The following SLC9C2 variants were observed in gnomAD, a reference collection of about 807,000 sequenced individuals.
SLC9C2 encodes the protein sodium/hydrogen exchanger 11.
A neutral mutation model predicts 140.2 loss-of-function variants in SLC9C2; 75 were observed. The ratio of observed to expected loss-of-function variants is 0.53; its 90% CI spans 0.44 to 0.65. SLC9C2 has a LOEUF of 0.65. SLC9C2 is among the 30% of genes least tolerant of loss of function. SLC9C2 has a pLI of 0.00. For synonymous variants in SLC9C2, 375 were observed against 420.9 expected, an observed-to-expected ratio of 0.89 and a Z score of 1.34; for missense variants, 1,074 against 1,331.8, an observed-to-expected ratio of 0.81 and a Z score of 3.01.
chr1:173,548,348 G>A (rs766391043), intron 12 of SLC9C2, 41 bp downstream of exon 12: 14 of 1,577,516 alleles, frequency 8.9e-6, no homozygotes, highest in Non-Finnish European at 1.1e-5. Context: ...GCAGACCAAG[G>A]GAAGGAAAGG....
Position 173,517,632 on chromosome 1 carries a change from T to C in SLC9C2, c.2812A>G (p.Thr938Ala). 1 of 1,614,028 alleles carries C rather than the reference T, an allele frequency of 6.2e-7. No homozygotes were observed. The highest frequency in any genetic ancestry group is 8.5e-7 in the Non-Finnish European group (1 of 1,179,978). ...RCDRGSRDMF[T>A]EFCTTGDIIG... The stretch of plus-strand genomic sequence containing the variant: ...ATGTCCCCAGTAGTACAGAACTCTG[T>C]AAACATGTCTCTGGACCCTCTATCA... The change falls in exon 23 of 28, where the codon ACA becomes GCA. Residue 938 changes from threonine to alanine, a missense_variant. By Grantham distance (58) the Thr-to-Ala change is moderately conservative. Coordinates refer to ENST00000367714, the MANE Select transcript of SLC9C2 (RefSeq NM_178527.4).
At chr1:173,566,020 A>T (rs1262459119) in intron 9 of SLC9C2, among the ~76,000 whole-genome samples, 3 of 152,186 alleles carry the variant, frequency 2.0e-5, no homozygotes, top group Non-Finnish European at 4.4e-5. Context: ...CATCCCTGGG[A>T]TAAGTCCCAG....
intron 13 of SLC9C2, among the ~76,000 whole-genome samples, chr1:173,543,668 T>C (rs1164602383): frequency 6.6e-6 from 1 of 152,080 alleles, no homozygotes; most frequent in African/African-American, 2.4e-5. Context: ...TATAGACCAA[T>C]GGAACAGAAC....
At chr1:173,507,259 C>T (rs539927379) in intron 24 of SLC9C2, among the ~76,000 whole-genome samples, 30 of 152,260 alleles carry the variant, frequency 2.0e-4, no homozygotes, top group Admixed American at 9.8e-4. Flanking sequence ...GATACTGTTG[C>T]CCAGCCCTAA....
chr1:173,526,610 A>G, intron 19 of SLC9C2, 53 bp downstream of exon 19: 2 of 1,390,780 alleles, frequency 1.4e-6, no homozygotes, highest in Non-Finnish European at 2.0e-6. Flanking sequence ...CTTTTATTAA[A>G]TTATAGGACA....
At chr1:173,543,293 AC>A (rs1324806820) in intron 13 of SLC9C2, among the ~76,000 whole-genome samples, 1 of 152,224 alleles carries the variant, frequency 6.6e-6, no homozygotes, top group African/African-American at 2.4e-5. Context: ...AATCCAACTT[AC>A]AAGGGATGTG....
At chr1:173,521,151 A>G in intron 22 of SLC9C2, 150 bp downstream of exon 22, 1 of 410,226 alleles carries the variant, frequency 2.4e-6, no homozygotes, top group Non-Finnish European at 4.3e-6. Context: ...TTGAATATTC[A>G]CCTCTCAGCT....
At chr1:173,528,328 G>A (rs1429698873) in intron 18 of SLC9C2, among the ~76,000 whole-genome samples, 1 of 152,004 alleles carries the variant, frequency 6.6e-6, no homozygotes, top group African/African-American at 2.4e-5. Flanking sequence ...GACACGTCAA[G>A]GCAACTGCCC....
At chr1:173,586,105 A>G (rs1665836229) in intron 5 of SLC9C2, among the ~76,000 whole-genome samples, 1 of 152,220 alleles carries the variant, frequency 6.6e-6, no homozygotes, top group South Asian at 2.1e-4. Context: ...CAGAAAGGAG[A>G]GCAGGAAGCA....
At chr1:173,522,342 A>G (rs572086309) in intron 21 of SLC9C2, among the ~76,000 whole-genome samples, 1 of 152,312 alleles carries the variant, frequency 6.6e-6, no homozygotes, top group East Asian at 1.9e-4. Flanking sequence ...CTCGGATAAC[A>G]TGAGTTGAAG....
chr1:173,517,064 A>G (rs1660471602), intron 23 of SLC9C2, among the ~76,000 whole-genome samples: 1 of 152,176 alleles, frequency 6.6e-6, no homozygotes, highest in South Asian at 2.1e-4. Context: ...TCTATTGATC[A>G]GTTATGTTGA....
intron 4 of SLC9C2, among the ~76,000 whole-genome samples, chr1:173,595,509 TATG>T (rs931753223): frequency 2.6e-5 from 4 of 152,142 alleles, no homozygotes; most frequent in South Asian, 2.1e-4. Flanking sequence ...TGCTTGGAAA[TATG>T]ATATTTTACA....
chr1:173,551,071 T>A (rs1351337381), intron 11 of SLC9C2, among the ~76,000 whole-genome samples: 6 of 140,096 alleles, frequency 4.3e-5, no homozygotes, highest in Non-Finnish European at 9.8e-5. Context: ...GCAATAGTGT[T>A]TATGAGGCAC....
intron 4 of SLC9C2, among the ~76,000 whole-genome samples, chr1:173,596,119 C>T (rs184617786): frequency 3.2e-4 from 48 of 152,206 alleles, no homozygotes; most frequent in African/African-American, 1.0e-3. Context: ...TACTCCATTC[C>T]TTTTTTATTG....
At chr1:173,512,506 T>A (rs535781711) in intron 23 of SLC9C2, among the ~76,000 whole-genome samples, 2 of 152,226 alleles carry the variant, frequency 1.3e-5, no homozygotes, top group Non-Finnish European at 2.9e-5. Context: ...TGATTTTGTA[T>A]CCTGAGACTT....
At chr1:173,528,617 A>G (rs1661366745) in intron 18 of SLC9C2, among the ~76,000 whole-genome samples, 1 of 152,164 alleles carries the variant, frequency 6.6e-6, no homozygotes, top group Non-Finnish European at 1.5e-5. Context: ...TTCTTATTTC[A>G]ATAAGTAAAG....
At position 173,517,585 on chromosome 1, in the gene SLC9C2, C is replaced by A. The variant is rs759397494; in HGVS notation, c.2859G>T (p.Leu953=). The change falls in exon 23 of 28, where the codon CTG becomes CTT. Residue 953 remains leucine (L), a synonymous_variant. Coordinates refer to ENST00000367714, the MANE Select transcript of SLC9C2 (RefSeq NM_178527.4). ...TGDIIGELSC[L]LKREIEYTVI... ...CGGTATATTCAATTTCACGCTTAAG[C>A]AGACAGCTTAGCTCTCCAATTATGT... The A allele has an allele frequency of 9.3e-6, 15 of 1,613,302 alleles. No individual in the cohort carries two copies. The Admixed American group carries it at 2.3e-4, about 25-fold the overall frequency.
intron 23 of SLC9C2, among the ~76,000 whole-genome samples, chr1:173,509,994 C>T (rs1397351104): frequency 6.6e-6 from 1 of 152,122 alleles, no homozygotes; most frequent in African/African-American, 2.4e-5. Context: ...GTCCAGGATT[C>T]AGGAACTAAG....
intron 15 of SLC9C2, among the ~76,000 whole-genome samples, chr1:173,535,215 G>T (rs1661855504): frequency 6.6e-6 from 1 of 152,128 alleles, no homozygotes; most frequent in South Asian, 2.1e-4. Flanking sequence ...GTTATAAAAG[G>T]TTAATGACCT....
Sources: allele counts gnomAD v4.1 joint callset (sites outside exome capture counted in the v4.1 genomes callset), GRCh38; gene constraint gnomAD v4.1.1; transcripts MANE v1.5; gene names NCBI Gene and HGNC (gene_info 2026-07-23, HGNC 2026-07-21).